Variants in IQGAP2 observed in about 807,000 individuals in gnomAD.
The protein encoded by IQGAP2 is IQ motif containing GTPase activating protein 2, also known as ras GTPase-activating-like protein IQGAP2.
In IQGAP2, 173 loss-of-function variants were observed where a neutral mutation model predicts 201.3. That is an observed-to-expected ratio of 0.86 (90% CI 0.76 to 0.98). The LOEUF (loss-of-function observed/expected upper bound fraction) is 0.98. Among genes scored for constraint, IQGAP2 ranks in the 50% least tolerant of loss-of-function variants. The pLI is 0.00. For synonymous variants in IQGAP2, 675 were observed against 673.9 expected (o/e 1.00, Z -0.03); for missense variants, 1,687 against 1,864.8 (o/e 0.90, Z 1.76).
At chr5:76,418,043 C>T (rs1751510624) in intron 1 of IQGAP2, among the ~76,000 whole-genome samples, 1 of 150,776 alleles carries the variant, frequency 6.6e-6, no homozygotes, top group South Asian at 2.1e-4. Flanking sequence ...CCTGTCTCTA[C>T]TAAAAATAAA....
At chr5:76,521,529 C>T (rs1173236553) in intron 2 of IQGAP2, among the ~76,000 whole-genome samples, 1 of 152,212 alleles carries the variant, frequency 6.6e-6, no homozygotes, top group Non-Finnish European at 1.5e-5. Context: ...TGGAAAATGA[C>T]TCACTTTTAG....
At chr5:76,555,775 TG>T (rs1743898893) in intron 2 of IQGAP2, among the ~76,000 whole-genome samples, 1 of 152,122 alleles carries the variant, frequency 6.6e-6, no homozygotes, top group African/African-American at 2.4e-5. Context: ...CCCTGTCTGA[TG>T]GAAGTTCTTC....
intron 13 of IQGAP2, among the ~76,000 whole-genome samples, chr5:76,621,231 A>G (rs1450277394): frequency 6.6e-6 from 1 of 152,198 alleles, no homozygotes; most frequent in Non-Finnish European, 1.5e-5. Flanking sequence ...GAAACCCTCC[A>G]CGTAAACCTG....
chr5:76,687,298 T>G (rs548792677), intron 30 of IQGAP2, among the ~76,000 whole-genome samples: 1 of 152,252 alleles, frequency 6.6e-6, no homozygotes, highest in Non-Finnish European at 1.5e-5. Flanking sequence ...AAATCAACAC[T>G]GACTGGTTAG....
intron 13 of IQGAP2, among the ~76,000 whole-genome samples, chr5:76,612,140 T>C (rs554315913): frequency 6.6e-6 from 1 of 152,350 alleles, no homozygotes; most frequent in African/African-American, 2.4e-5. Flanking sequence ...GCCATCATTA[T>C]TGCCATCTTA....
intron 2 of IQGAP2, among the ~76,000 whole-genome samples, chr5:76,542,888 GAAATCTTTTCACAT>G (rs1290675711): frequency 1.3e-5 from 2 of 152,182 alleles, no homozygotes; most frequent in African/African-American, 4.8e-5. Context: ...ACGTTATAGA[GAAATCTTTTCACAT>G]ATGTAAGGAC....
In IQGAP2 at chr5:76,518,051, G is replaced by A. The variant is rs554212931; in HGVS notation, c.147-44345G>A. ...AGCTCACTGCAACCTCCGCCTCCTG[G>A]GTTCAAGAGATTCTTCTGTCTCAGC... On this transcript the variant is annotated intron_variant, in intron 2 of 35. Coordinates refer to ENST00000274364, the MANE Select transcript of IQGAP2 (RefSeq NM_006633.5). 3.2e-3 allele frequency among the ~76,000 whole-genome samples: 492 copies of A among 152,240 alleles called. 2 individuals are homozygous for A. The highest frequency in any genetic ancestry group is 0.011 in the African/African-American group (449 of 41,544).
At chr5:76,486,185 C>A (rs1332616383) in intron 2 of IQGAP2, among the ~76,000 whole-genome samples, 1 of 152,116 alleles carries the variant, frequency 6.6e-6, no homozygotes, top group Non-Finnish European at 1.5e-5. Flanking sequence ...TCAGCTGAAC[C>A]TTCATGAAGA....
At chr5:76,677,968 T>C (rs1744970228) in intron 28 of IQGAP2, among the ~76,000 whole-genome samples, 1 of 151,952 alleles carries the variant, frequency 6.6e-6, no homozygotes, top group South Asian at 2.1e-4. Flanking sequence ...TAAAGCCAGA[T>C]TGTAAATATG....
chr5:76,573,901 A>G (rs1745292399), intron 4 of IQGAP2, among the ~76,000 whole-genome samples: 1 of 151,708 alleles, frequency 6.6e-6, no homozygotes, highest in South Asian at 2.1e-4. Flanking sequence ...CACCATGCCC[A>G]GCTAATACTC....
chr5:76,484,674 G>A (rs553444231), intron 2 of IQGAP2, among the ~76,000 whole-genome samples: 53 of 152,114 alleles, frequency 3.5e-4, no homozygotes, highest in South Asian at 2.1e-4. Context: ...AAAAAGAAAC[G>A]GGGTTTTGCT....
chr5:76,658,653 A>G lies in IQGAP2; in HGVS notation c.2515A>G (p.Arg839Gly). Residue 839 changes from arginine (R) to glycine (G), a missense_variant, in exon 21 of 36, where the codon AGG becomes GGG. By Grantham distance (125) the Arg-to-Gly change is moderately radical. Transcript: ENST00000274364. The stretch of plus-strand genomic sequence containing the variant: ...CAAGATTGGACTGCTGGTGAAGAAC[A>G]GGATCACACTAGAGGTCAGTGGGGT... ...DIKIGLLVKN[R>G]ITLEDVISHS... 6.2e-7 allele frequency: 1 copy of G among 1,613,770 alleles called. No individual in the cohort carries two copies. The highest frequency in any genetic ancestry group is 1.1e-5 in the South Asian group (1 of 90,958).
intron 13 of IQGAP2, among the ~76,000 whole-genome samples, chr5:76,612,174 T>C (rs1174648931): frequency 6.6e-6 from 1 of 152,094 alleles, no homozygotes; most frequent in African/African-American, 2.4e-5. Flanking sequence ...CAAGATTAAG[T>C]AACTTGTTGA....
chr5:76,422,909 A>G (rs571155508), intron 1 of IQGAP2, among the ~76,000 whole-genome samples: 1 of 152,348 alleles, frequency 6.6e-6, no homozygotes, highest in African/African-American at 2.4e-5. Flanking sequence ...GAGGTTGGTA[A>G]TGTTATCCCC....
At chr5:76,539,490 A>C (rs532230693) in intron 2 of IQGAP2, among the ~76,000 whole-genome samples, 2 of 152,314 alleles carry the variant, frequency 1.3e-5, no homozygotes, top group African/African-American at 4.8e-5. Flanking sequence ...TCTTCAGCTC[A>C]GCCAGCAGTC....
intron 17 of IQGAP2, among the ~76,000 whole-genome samples, chr5:76,648,685 C>A (rs1752276371): frequency 6.6e-6 from 1 of 152,100 alleles, no homozygotes; most frequent in South Asian, 2.1e-4. Flanking sequence ...AGGAAAAAAA[C>A]TAAAGCCTCA....
chr5:76,550,680 C>A (rs1315037827), intron 2 of IQGAP2, among the ~76,000 whole-genome samples: 1 of 152,128 alleles, frequency 6.6e-6, no homozygotes, highest in Non-Finnish European at 1.5e-5. Context: ...GTAGGGTCAC[C>A]GATCAACAGG....
At chr5:76,546,130 T>TA (rs1743081267) in intron 2 of IQGAP2, among the ~76,000 whole-genome samples, 1 of 152,208 alleles carries the variant, frequency 6.6e-6, no homozygotes, top group Non-Finnish European at 1.5e-5. Context: ...CAGGTGTCTA[T>TA]ATCCATTTAA....
chr5:76,668,792 G>A lies in IQGAP2; in HGVS notation c.2791G>A (p.Glu931Lys). ...TLYNYASNQR[E>K]EYLLLKLFKT... The stretch of plus-strand genomic sequence containing the variant: ...ATATAATTATGCCTCTAATCAGCGA[G>A]AAGAATATCTACTTCTCAAGCTTTT... Residue 931 changes from glutamate (E) to lysine (K), a missense_variant, in exon 23 of 36, where the codon GAA becomes AAA. By Grantham distance (56) the Glu-to-Lys change is moderately conservative (BLOSUM62 1). Transcript: ENST00000274364. 1 of 1,608,510 alleles carries A rather than the reference G, an allele frequency of 6.2e-7. No homozygotes were observed. The highest frequency in any genetic ancestry group is 8.5e-7 in the Non-Finnish European group (1 of 1,177,338).
Sources: allele counts gnomAD v4.1 joint callset (sites outside exome capture counted in the v4.1 genomes callset), GRCh38; gene constraint gnomAD v4.1.1; transcripts MANE v1.5; gene names NCBI Gene and HGNC (gene_info 2026-07-23, HGNC 2026-07-21).